PRDM16: variants seen among roughly 807,000 people sequenced by gnomAD.
PRDM16 encodes PR/SET domain 16.
In PRDM16, 23 loss-of-function variants were observed where a neutral mutation model predicts 110.6. The observed-to-expected ratio is 0.21, with a 90% confidence interval of 0.15 to 0.29. The LOEUF is 0.29. Ranked by LOEUF, PRDM16 falls within the 10% of genes least tolerant of loss-of-function variation. PRDM16 has a pLI of 1.00. For synonymous variants in PRDM16, 799 were observed against 781.8 expected (o/e 1.02, Z -0.37); for missense variants, 1,615 against 1,794.3 (o/e 0.90, Z 1.81).
At chr1:3,395,219 G>A (rs1643367585) in intron 4 of PRDM16, among the ~76,000 whole-genome samples, 1 of 152,142 alleles carries the variant, frequency 6.6e-6, no homozygotes, top group South Asian at 2.1e-4. Flanking sequence ...GCCACACCCA[G>A]CCCTGTCTCG....
intron 1 of PRDM16, among the ~76,000 whole-genome samples, chr1:3,177,703 G>A (rs1239161537): frequency 6.6e-6 from 1 of 152,220 alleles, no homozygotes; most frequent in Non-Finnish European, 1.5e-5. Flanking sequence ...TTCTAGAATC[G>A]AACAGCTGTG....
intron 3 of PRDM16, among the ~76,000 whole-genome samples, chr1:3,310,879 A>G (rs1026515020): frequency 2.7e-5 from 4 of 149,954 alleles, no homozygotes; most frequent in African/African-American, 7.4e-5. Flanking sequence ...ATGTGTGGGC[A>G]TGCGTGTGTG....
At chr1:3,097,767 A>AGGGGGCGGGAG (rs1452142699) in intron 1 of PRDM16, among the ~76,000 whole-genome samples, 1 of 152,120 alleles carries the variant, frequency 6.6e-6, no homozygotes, top group Non-Finnish European at 1.5e-5. Flanking sequence ...GCCAGGTGTG[A>AGGGGGCGGGAG]GGGGGCGGGA....
chr1:3,403,957 C>T (rs1023920076), intron 6 of PRDM16, among the ~76,000 whole-genome samples: 11 of 152,342 alleles, frequency 7.2e-5, no homozygotes, highest in South Asian at 6.2e-4. Flanking sequence ...ATCCCAACTG[C>T]GGCCCTTCCC....
At chr1:3,222,356 G>C (rs1639172184) in intron 2 of PRDM16, among the ~76,000 whole-genome samples, 1 of 152,202 alleles carries the variant, frequency 6.6e-6, no homozygotes, top group South Asian at 2.1e-4. Flanking sequence ...ACAAGCTGAG[G>C]CTCCAGCAGG....
intron 1 of PRDM16, among the ~76,000 whole-genome samples, chr1:3,177,843 T>C (rs1460618012): frequency 1.1e-5 from 1 of 90,532 alleles, no homozygotes. Flanking sequence ...GTTTAGATAC[T>C]GTTTTGGATG....
chr1:3,212,000 G>A (rs1011681170), intron 2 of PRDM16, among the ~76,000 whole-genome samples: 6 of 152,346 alleles, frequency 3.9e-5, no homozygotes, highest in African/African-American at 1.4e-4. Flanking sequence ...TGGATAATGG[G>A]CGAGTTCTCC....
In PRDM16 at chr1:3,404,726, G is replaced by A. The variant is rs908696915; in HGVS notation, c.885-13G>A. ...GTAGTCGGGCCCCGCAGTGAGCCTC[G>A]TCCTCTGCGCAGCCTGGAGCAGCAC... On this transcript the variant is annotated splice_polypyrimidine_tract_variant and intron_variant, in intron 6 of 16. Transcript: ENST00000270722. The A allele has an allele frequency of 9.9e-6, 16 of 1,612,644 alleles. No individual in the cohort carries two copies. Among genetic ancestry groups the A allele is most frequent in the African/African-American group, 4.0e-5 (3 of 74,898 alleles).
intron 2 of PRDM16, among the ~76,000 whole-genome samples, chr1:3,234,824 G>A (rs1232310455): frequency 6.6e-6 from 1 of 152,248 alleles, no homozygotes; most frequent in Non-Finnish European, 1.5e-5. Flanking sequence ...TGCTCGGAGG[G>A]GCCGTGATGG....
chr1:3,079,690 A>G (rs561532907), intron 1 of PRDM16, among the ~76,000 whole-genome samples: 2 of 152,298 alleles, frequency 1.3e-5, no homozygotes, highest in African/African-American at 4.8e-5. Context: ...CAGAGCTGAG[A>G]CTGCTCCAGG....
chr1:3,095,534 G>C (rs1041280005), intron 1 of PRDM16, among the ~76,000 whole-genome samples: 1 of 152,116 alleles, frequency 6.6e-6, no homozygotes, highest in Non-Finnish European at 1.5e-5. Context: ...TGCCTCATGG[G>C]GGGCCGGGCT....
chr1:3,225,241 A>G (rs927906031), intron 2 of PRDM16, among the ~76,000 whole-genome samples: 1 of 152,240 alleles, frequency 6.6e-6, no homozygotes, highest in Non-Finnish European at 1.5e-5. Flanking sequence ...TAAATAAATC[A>G]GAAACACACG....
At chr1:3,277,756 TGCACACACGC>T (rs1210013766) in intron 3 of PRDM16, among the ~76,000 whole-genome samples, 1 of 122,668 alleles carries the variant, frequency 8.2e-6, no homozygotes, top group Non-Finnish European at 1.9e-5. Context: ...CGCACACACA[TGCACACACGC>T]GCACACACAC....
chr1:3,296,844 T>C (rs780507666), intron 3 of PRDM16, among the ~76,000 whole-genome samples: 1 of 152,206 alleles, frequency 6.6e-6, no homozygotes, highest in East Asian at 1.9e-4. Context: ...CCACTGCGAG[T>C]TGAAAATATC....
intron 3 of PRDM16, among the ~76,000 whole-genome samples, chr1:3,342,899 T>C (rs1642299382): frequency 6.6e-6 from 1 of 152,168 alleles, no homozygotes; most frequent in Non-Finnish European, 1.5e-5. Flanking sequence ...GTCCTAGGCA[T>C]GGGCGTTTTG....
chr1:3,248,708 G>A (rs571252896), intron 3 of PRDM16, among the ~76,000 whole-genome samples: 15 of 152,216 alleles, frequency 9.9e-5, no homozygotes, highest in Admixed American at 9.2e-4. Context: ...CATAAAAGTC[G>A]TCTGATAGCC....
chr1:3,405,546 G>A lies in PRDM16; in HGVS notation c.1084G>A (p.Gly362Ser). 1.9e-6 allele frequency: 3 copies of A among 1,607,712 alleles called. No individual in the cohort carries two copies. The highest frequency in any genetic ancestry group is 2.5e-6 in the Non-Finnish European group (3 of 1,177,426). ...LQRHIRSQHV[G>S]ARAHACPDCG... ...GCGGCACATCCGCTCGCAGCACGTG[G>A]GCGCTCGGGCCCACGCCTGCCCCGA... The change falls in exon 8 of 17, where the codon GGC becomes AGC. Residue 362 changes from glycine (G) to serine (S), a missense_variant. By Grantham distance (56) the Gly-to-Ser change is moderately conservative. Coordinates refer to ENST00000270722, the MANE Select transcript of PRDM16 (RefSeq NM_022114.4).
intron 1 of PRDM16, among the ~76,000 whole-genome samples, chr1:3,178,005 C>A (rs1236219892): frequency 6.6e-6 from 1 of 152,142 alleles, no homozygotes. Context: ...CAGGCCGCGG[C>A]GTCTTGCTGC....
At chr1:3,179,360 C>G (rs1644125054) in intron 1 of PRDM16, among the ~76,000 whole-genome samples, 1 of 152,218 alleles carries the variant, frequency 6.6e-6, no homozygotes. Context: ...GGTTCCAGCC[C>G]TCAGCCCCTC....
Sources: allele counts gnomAD v4.1 joint callset (sites outside exome capture counted in the v4.1 genomes callset), GRCh38; gene constraint gnomAD v4.1.1; transcripts MANE v1.5; gene names NCBI Gene and HGNC (gene_info 2026-07-23, HGNC 2026-07-21).